The following RASGRF2 variants were observed in gnomAD, a reference collection of about 807,000 sequenced individuals.
RASGRF2 encodes Ras protein specific guanine nucleotide releasing factor 2.
Under a neutral mutation model 151.0 loss-of-function variants are expected in RASGRF2, and 76 were observed. The observed-to-expected ratio is 0.50, with a 90% confidence interval of 0.42 to 0.61. RASGRF2 has a LOEUF of 0.61. RASGRF2 is among the 20% of genes least tolerant of loss of function. RASGRF2 has a pLI of 0.00. For synonymous variants in RASGRF2, 504 were observed against 566.5 expected, an observed-to-expected ratio of 0.89 and a Z score of 1.57; for missense variants, 1,148 against 1,564.6, an observed-to-expected ratio of 0.73 and a Z score of 4.49.
intron 2 of RASGRF2, among the ~76,000 whole-genome samples, chr5:81,046,285 A>G (rs1253696664): frequency 6.6e-6 from 1 of 151,994 alleles, no homozygotes; most frequent in East Asian, 1.9e-4. Context: ...TGGCTTTCGT[A>G]TCTCAGAGCA....
At chr5:81,006,735 A>G (rs956372445) in intron 1 of RASGRF2, among the ~76,000 whole-genome samples, 1 of 152,132 alleles carries the variant, frequency 6.6e-6, no homozygotes, top group Non-Finnish European at 1.5e-5. Flanking sequence ...ACAGGATAAA[A>G]TTGTTCTCTG....
intron 1 of RASGRF2, among the ~76,000 whole-genome samples, chr5:80,971,662 C>A (rs1005157831): frequency 6.6e-6 from 1 of 151,402 alleles, no homozygotes; most frequent in African/African-American, 2.4e-5. Flanking sequence ...ACGTCCTGGG[C>A]TCAAGTGATT....
intron 17 of RASGRF2, among the ~76,000 whole-genome samples, chr5:81,149,115 A>G (rs2112615996): frequency 1.3e-5 from 2 of 152,350 alleles, no homozygotes; most frequent in East Asian, 3.9e-4. Flanking sequence ...TAGAACTACC[A>G]TTCCATCCAG....
At chr5:81,208,277 C>G in intron 21 of RASGRF2, 77 bp from the exon 22 acceptor site, 1 of 1,233,228 alleles carries the variant, frequency 8.1e-7, no homozygotes, top group Non-Finnish European at 1.2e-6. Context: ...TTCTAATATT[C>G]GTGACAACTG....
intron 1 of RASGRF2, among the ~76,000 whole-genome samples, chr5:81,011,336 C>T (rs564289932): frequency 6.6e-6 from 1 of 152,136 alleles, no homozygotes; most frequent in Admixed American, 6.5e-5. Context: ...TTAGCTATCG[C>T]TTTATTGGTA....
At chr5:81,139,173 G>A (rs1197025456) in intron 17 of RASGRF2, among the ~76,000 whole-genome samples, 1 of 152,004 alleles carries the variant, frequency 6.6e-6, no homozygotes, top group African/African-American at 2.4e-5. Flanking sequence ...GAATAGAATT[G>A]TTTCCTTTTA....
At position 81,123,676 on chromosome 5, in the gene RASGRF2, A is replaced by G. The variant is rs759532901; in HGVS notation, c.2505A>G (p.Gly835=). ...VLESAPADRA[G]VESSPAADTT... ...AGTCTGCACCAGCGGACCGAGCAGG[A>G]GTGGAAAGCTCCCCTGCAGCGGACA... The change falls in exon 16 of 27, where the codon GGA becomes GGG. Residue 835 remains glycine, a synonymous_variant. Transcript: ENST00000265080. The G allele has an allele frequency of 1.1e-5, 17 of 1,613,920 alleles. No homozygotes were observed. Among genetic ancestry groups the G allele is most frequent in the Non-Finnish European group, 1.4e-5 (17 of 1,179,996 alleles).
Position 81,144,604 on chromosome 5 carries a change from G to A in RASGRF2, c.2686+17441G>A, listed in dbSNP as rs150805800. The stretch of plus-strand genomic sequence containing the variant: ...GCAAACCATTCTCCTATGCTGCCCA[G>A]ATGGGCATTTCTGTATATAAATTGA... On this transcript the variant is annotated intron_variant, in intron 17 of 26. Transcript: ENST00000265080. Among the ~76,000 whole-genome samples, 819 of 152,330 alleles carry A rather than the reference G, an allele frequency of 5.4e-3. 7 individuals carry two copies. Among genetic ancestry groups the A allele is most frequent in the African/African-American group, 0.019 (786 of 41,572 alleles).
At chr5:81,114,365 G>A (rs1285954995) in intron 15 of RASGRF2, among the ~76,000 whole-genome samples, 1 of 152,212 alleles carries the variant, frequency 6.6e-6, no homozygotes, top group Non-Finnish European at 1.5e-5. Context: ...TTTCCCTGCT[G>A]AGGATGAGCT....
intron 17 of RASGRF2, among the ~76,000 whole-genome samples, chr5:81,174,488 C>G (rs908187718): frequency 3.3e-5 from 5 of 152,072 alleles, no homozygotes; most frequent in Non-Finnish European, 7.4e-5. Context: ...GCTGGAGGGT[C>G]AGGGAGAGAA....
intron 19 of RASGRF2, among the ~76,000 whole-genome samples, chr5:81,206,385 G>A (rs537147694): frequency 4.6e-5 from 7 of 152,270 alleles, no homozygotes; most frequent in Non-Finnish European, 7.4e-5. Flanking sequence ...TCTGGTCTAC[G>A]TAAGCTTGAG....
rs372036881 is a variant in RASGRF2, at chr5:80,969,602, C to T, written c.288+8576C>T. 3.6e-4 allele frequency among the ~76,000 whole-genome samples: 54 copies of T among 151,040 alleles called. No homozygotes were observed. The South Asian group carries it at 5.0e-3, about 14-fold the overall frequency. On this transcript the variant is annotated intron_variant, in intron 1 of 26. Transcript: ENST00000265080. ...TAGCTGGGACTACAGGCACCCGCCACCACGCCCGGCTAATTTTTTTTTGTA... is the reference window on the plus strand; with the variant it reads ...TAGCTGGGACTACAGGCACCCGCCATCACGCCCGGCTAATTTTTTTTTGTA...
At chr5:81,086,054 T>C in intron 8 of RASGRF2, 143 bp downstream of exon 8, 2 of 1,359,676 alleles carry the variant, frequency 1.5e-6, no homozygotes, top group Non-Finnish European at 2.0e-6. Flanking sequence ...AATAGTAGCT[T>C]GTGAGGTGAT....
chr5:80,988,170 T>G (rs1479651411), intron 1 of RASGRF2, among the ~76,000 whole-genome samples: 1 of 151,722 alleles, frequency 6.6e-6, no homozygotes, highest in Non-Finnish European at 1.5e-5. Flanking sequence ...CCAACCTCAG[T>G]CTCCCAAGCA....
At chr5:81,062,647 T>C (rs139656489) in intron 2 of RASGRF2, among the ~76,000 whole-genome samples, 264 of 152,344 alleles carry the variant, frequency 1.7e-3, no homozygotes, top group Non-Finnish European at 3.2e-3. Flanking sequence ...AAATATTGTG[T>C]CCCAAAGTAT....
intron 1 of RASGRF2, among the ~76,000 whole-genome samples, chr5:80,999,121 T>C (rs2112284331): frequency 6.6e-6 from 1 of 152,246 alleles, no homozygotes; most frequent in South Asian, 2.1e-4. Context: ...GGATTTTGAC[T>C]GATGCAATGG....
intron 1 of RASGRF2, among the ~76,000 whole-genome samples, chr5:81,010,401 A>G (rs907347057): frequency 6.6e-6 from 1 of 152,220 alleles, no homozygotes; most frequent in African/African-American, 2.4e-5. Flanking sequence ...TTACAATGAA[A>G]AAAGGCCAAA....
At chr5:81,150,620 A>C (rs979764460) in intron 17 of RASGRF2, among the ~76,000 whole-genome samples, 4 of 152,152 alleles carry the variant, frequency 2.6e-5, no homozygotes, top group African/African-American at 4.8e-5. Context: ...ATGTGCATGC[A>C]TGTATGTGCA....
At chr5:81,170,244 C>T (rs1479593738) in intron 17 of RASGRF2, among the ~76,000 whole-genome samples, 1 of 151,580 alleles carries the variant, frequency 6.6e-6, no homozygotes, top group East Asian at 1.9e-4. Flanking sequence ...TCTGCATCAC[C>T]TGCATCACTA....
Sources: gnomAD v4.1 joint callset for allele counts (sites outside exome capture counted in the v4.1 genomes callset) on GRCh38, gnomAD v4.1.1 for gene constraint, MANE v1.5 for transcripts, NCBI Gene and HGNC (gene_info 2026-07-23, HGNC 2026-07-21) for gene names.